USP24: variants seen among roughly 807,000 people sequenced by gnomAD.
The protein encoded by USP24 is ubiquitin carboxyl-terminal hydrolase 24.
A neutral mutation model predicts 361.6 loss-of-function variants in USP24; 97 were observed. The ratio of observed to expected loss-of-function variants is 0.27; its 90% CI spans 0.23 to 0.32. The LOEUF (loss-of-function observed/expected upper bound fraction) is 0.32, where lower values mean the gene tolerates loss of function less well. Among genes scored for constraint, USP24 ranks in the 10% least tolerant of loss-of-function variants. The pLI is 1.00. For synonymous variants in USP24, 1,098 were observed against 1,124.6 expected (o/e 0.98, Z 0.47); for missense variants, 2,353 against 3,165.6 (o/e 0.74, Z 6.16).
At chr1:55,195,067 A>T (rs974747017) in intron 1 of USP24, among the ~76,000 whole-genome samples, 1 of 152,118 alleles carries the variant, frequency 6.6e-6, no homozygotes, top group Non-Finnish European at 1.5e-5. Context: ...AAACCAAAAA[A>T]AGGAAGCTCA....
chr1:55,127,840 A>G (rs1646478486), intron 32 of USP24, among the ~76,000 whole-genome samples: 1 of 152,080 alleles, frequency 6.6e-6, no homozygotes, highest in Non-Finnish European at 1.5e-5. Flanking sequence ...TCTGTCTTCA[A>G]TTTACTATCA....
At chr1:55,204,985 A>T (rs991893265) in intron 1 of USP24, among the ~76,000 whole-genome samples, 2 of 152,236 alleles carry the variant, frequency 1.3e-5, no homozygotes, top group Admixed American at 1.3e-4. Flanking sequence ...AAAAATGTGC[A>T]AACAGACATG....
At position 55,083,285 on chromosome 1, in the gene USP24, C is replaced by T. The variant is rs1233412425; in HGVS notation, c.6962G>A (p.Arg2321Gln). 12 of 1,613,436 alleles carry T rather than the reference C, an allele frequency of 7.4e-6. No individual in the cohort carries two copies. The highest frequency in any genetic ancestry group is 1.7e-5 in the Admixed American group (1 of 59,954). Residue 2321 changes from arginine to glutamine, a missense_variant, in exon 58 of 68, where the codon CGG (arginine) becomes CAG (glutamine). Coordinates refer to ENST00000294383, the MANE Select transcript of USP24 (RefSeq NM_015306.3). ...AGTAGTCCTTACCTGATTGTTTTGC[C>T]GACTGGCCCCTAGGAGGAAGCTGAT... The part of the protein sequence containing the change: ...HMISFLLGAS[R>Q]QNNQIRRWSS...
chr1:55,117,511 G>A (rs1646149548), intron 38 of USP24, among the ~76,000 whole-genome samples: 1 of 152,050 alleles, frequency 6.6e-6, no homozygotes, highest in Admixed American at 6.5e-5. Context: ...GGTGGATCAT[G>A]AGGTCAGGAG....
intron 24 of USP24, among the ~76,000 whole-genome samples, chr1:55,139,582 G>A (rs1390266772): frequency 6.6e-6 from 1 of 152,098 alleles, no homozygotes; most frequent in Non-Finnish European, 1.5e-5. Flanking sequence ...TATAGTCATA[G>A]CCCCATACTT....
At chr1:55,212,750 C>G (rs753597559) in intron 1 of USP24, among the ~76,000 whole-genome samples, 36 of 152,236 alleles carry the variant, frequency 2.4e-4, no homozygotes, top group Non-Finnish European at 5.0e-4. Context: ...AAAGCAGCCT[C>G]AGTCACCAGC....
chr1:55,142,625 A>G, intron 23 of USP24, 117 bp downstream of exon 23: 1 of 750,920 alleles, frequency 1.3e-6, no homozygotes, highest in Non-Finnish European at 2.1e-6. Context: ...CTGTTGATAA[A>G]TTCTTCAATA....
intron 63 of USP24, 108 bp from the exon 64 acceptor site, chr1:55,074,014 C>T (rs1644971914): frequency 1.3e-6 from 1 of 759,810 alleles, no homozygotes; most frequent in Middle Eastern, 2.9e-4. Flanking sequence ...TTTTAATAAA[C>T]AGATAAGGAA....
At chr1:55,192,366 G>T (rs1010038761) in intron 1 of USP24, among the ~76,000 whole-genome samples, 1 of 152,086 alleles carries the variant, frequency 6.6e-6, no homozygotes, top group Non-Finnish European at 1.5e-5. Flanking sequence ...TCAACTTAAC[G>T]GATAAGAGAC....
intron 3 of USP24, among the ~76,000 whole-genome samples, chr1:55,173,978 A>C (rs938392664): frequency 2.6e-5 from 4 of 152,314 alleles, no homozygotes; most frequent in African/African-American, 9.6e-5. Context: ...TTCTGCCTAC[A>C]TTCTAGAAGA....
In USP24 at chr1:55,137,654, T is replaced by C; in HGVS notation, c.3062A>G (p.Gln1021Arg). ...TVNKDQKLLH[Q>R]LGFSDEQILT... is the part of the protein sequence containing the mutation. ...GATTTGTTCATCAGAAAAGCCCAGTTGGTGGAGTAGCTTTTGATCTTTATT... is the reference window on the plus strand; with the variant it reads ...GATTTGTTCATCAGAAAAGCCCAGTCGGTGGAGTAGCTTTTGATCTTTATT... Residue 1021 changes from glutamine to arginine, a missense_variant, in exon 28 of 68, where the codon CAA (glutamine) becomes CGA (arginine). Transcript: ENST00000294383. The C allele has an allele frequency of 6.2e-7, 1 of 1,613,186 alleles. No individual in the cohort carries two copies. The highest frequency in any genetic ancestry group is 8.5e-7 in the Non-Finnish European group (1 of 1,179,518).
chr1:55,211,371 T>C (rs1874773), intron 1 of USP24, among the ~76,000 whole-genome samples: 7,114 of 152,202 alleles, frequency 0.047, 537 homozygotes, highest in African/African-American at 0.16. Context: ...ACCAAGAACA[T>C]TTACATCCAA....
At chr1:55,144,997 C>T (rs1054146023) in intron 20 of USP24, among the ~76,000 whole-genome samples, 5 of 151,948 alleles carry the variant, frequency 3.3e-5, no homozygotes, top group African/African-American at 1.2e-4. Flanking sequence ...ATTACGATGT[C>T]TAAAATAAAA....
chr1:55,162,455 T>C (rs913609700), intron 7 of USP24, among the ~76,000 whole-genome samples, 191 bp from the exon 8 acceptor site: 5 of 152,192 alleles, frequency 3.3e-5, no homozygotes, highest in Admixed American at 2.6e-4. Context: ...GCTTAAATTA[T>C]TATAGAAATT....
rs1038310611 is a variant in USP24 at position 55,069,221 on chromosome 1, A to G, written c.7801-114T>C. 4.2e-6 allele frequency: 4 copies of G among 948,068 alleles called. No individual in the cohort carries two copies. The African/African-American group carries it at 4.9e-5, about 12-fold the overall frequency. 58.7% of individuals were successfully genotyped at this position (948,068 alleles called of 1,614,324 possible). A position where few individuals can be genotyped will look rare whatever the true frequency, so the allele number is the denominator to read the frequency against. On this transcript the variant is annotated intron_variant, in intron 67 of 67. Transcript: ENST00000294383. ...CATCTGGCAACTTAATGCAATGTTT[A>G]TCAAAGGGTAATAAAATGTGATAAC...
At position 55,125,437 on chromosome 1, in the gene USP24, G is replaced by A; in HGVS notation, c.3843C>T (p.Ser1281=). 1.2e-6 allele frequency: 2 copies of A among 1,613,996 alleles called. No individual in the cohort carries two copies. Among genetic ancestry groups the A allele is most frequent in the Non-Finnish European group, 1.7e-6 (2 of 1,179,890 alleles). ...GGGTACCACATAAGGACATCTGTCT[G>A]CTTGTCTGCCGGCTGACATTTCGGA... ...RPFRNVSRQT[S]RQMSLCGTPE... The change falls in exon 34 of 68, where the codon AGC becomes AGT. Residue 1281 remains serine (S), a synonymous_variant. Transcript: ENST00000294383.
At position 55,109,480 on chromosome 1, in the gene USP24, A is replaced by T. The variant is rs144407778; in HGVS notation, c.4570+705T>A. Among the ~76,000 whole-genome samples the T allele has an allele frequency of 2.1e-4, 32 of 152,348 alleles. No individual in the cohort carries two copies. In the East Asian group the frequency reaches 5.4e-3, roughly 26 times the overall value. On this transcript the variant is annotated intron_variant, in intron 39 of 67. Coordinates refer to ENST00000294383, the MANE Select transcript of USP24 (RefSeq NM_015306.3). ...TTTCTTCTTACAGGGTATTTGAACA[A>T]CTAACCATACGCTGCTTCCTTTTTA...
intron 5 of USP24, among the ~76,000 whole-genome samples, chr1:55,170,464 T>C (rs556341939): frequency 9.1e-4 from 139 of 152,266 alleles, no homozygotes; most frequent in African/African-American, 3.3e-3. Flanking sequence ...AGTTTAGCAT[T>C]TGGGGAGGCA....
At chr1:55,098,195 T>C in intron 46 of USP24, 111 bp from the exon 47 acceptor site, 1 of 1,300,022 alleles carries the variant, frequency 7.7e-7, no homozygotes, top group Non-Finnish European at 1.0e-6. Flanking sequence ...TGGGAGTCCC[T>C]CAATATTTTA....
Sources: allele counts gnomAD v4.1 joint callset (sites outside exome capture counted in the v4.1 genomes callset), GRCh38; gene constraint gnomAD v4.1.1; transcripts MANE v1.5; gene names NCBI Gene and HGNC (gene_info 2026-07-23, HGNC 2026-07-21).